The following TENM4 variants were observed in gnomAD, a reference collection of about 807,000 sequenced individuals.
TENM4 encodes teneurin-4.
Under a neutral mutation model 243.3 loss-of-function variants are expected in TENM4, and 82 were observed. The ratio of observed to expected loss-of-function variants is 0.34; its 90% CI spans 0.28 to 0.40. TENM4 has a LOEUF of 0.40. Among genes scored for constraint, TENM4 ranks in the 10% least tolerant of loss-of-function variants. The pLI, the probability that TENM4 is intolerant of heterozygous loss-of-function variation, is 1.00. For missense variants in TENM4, 3,138 were observed against 3,673.3 expected (o/e 0.85, Z 3.77); for synonymous variants, 1,412 against 1,456.3 (o/e 0.97, Z 0.69).
At chr11:79,324,143 A>C (rs573058424) in intron 1 of TENM4, among the ~76,000 whole-genome samples, 70 of 152,192 alleles carry the variant, frequency 4.6e-4, no homozygotes, top group African/African-American at 1.4e-3. Context: ...TGTAAATACT[A>C]TATAGTTTTT....
chr11:79,376,222 G>A (rs1014686942), intron 1 of TENM4, among the ~76,000 whole-genome samples: 12 of 152,196 alleles, frequency 7.9e-5, no homozygotes, highest in Non-Finnish European at 1.5e-4. Flanking sequence ...TTCTCCTTTG[G>A]TGGGTTTCAC....
intron 6 of TENM4, among the ~76,000 whole-genome samples, chr11:79,030,601 TC>T (rs1352396843): frequency 1.3e-5 from 2 of 151,930 alleles, no homozygotes. Context: ...TTTAGAAATT[TC>T]CTCGAGCTGC....
Position 78,669,113 on chromosome 11 carries a change from G to A in TENM4, c.7232C>T (p.Thr2411Ile). ...TCGCCGGCCCATGTGGACAAGCTTG[G>A]TGAGTGGATCATAGAGGCCACCATG... The part of the protein sequence containing the change: ...GYHGGLYDPL[T>I]KLVHMGRRDY... The change falls in exon 32 of 34, where the codon ACC (threonine) becomes ATC (isoleucine). Residue 2411 changes from threonine to isoleucine, a missense_variant. Thr to Ile is a moderately conservative substitution (Grantham distance 89, BLOSUM62 -1). Around this residue, in one of 2 missense-constraint regions of TENM4, gnomAD observed 2,467 missense variants for 3,059.1 expected, o/e 0.81. Coordinates refer to ENST00000278550, the MANE Select transcript of TENM4 (RefSeq NM_001098816.3). This position sits in a 1 kb window ranked among gnomAD's most constrained non-coding sequence, Gnocchi z 6.4. The A allele has an allele frequency of 6.2e-7, 1 of 1,613,798 alleles. No individual in the cohort carries two copies. Among genetic ancestry groups the A allele is most frequent in the South Asian group, 1.1e-5 (1 of 91,044 alleles).
intron 1 of TENM4, among the ~76,000 whole-genome samples, chr11:79,312,289 A>C (rs1342737965): frequency 6.6e-6 from 1 of 152,214 alleles, no homozygotes; most frequent in East Asian, 1.9e-4. Context: ...TGGCCCTGGC[A>C]TCCAGGAAAG....
intron 32 of TENM4, among the ~76,000 whole-genome samples, chr11:78,663,463 C>T (rs955048665): frequency 1.3e-5 from 2 of 152,102 alleles, no homozygotes; most frequent in East Asian, 1.9e-4. Flanking sequence ...GGTGACCTCC[C>T]GAGGTAATGA....
At position 78,805,277 on chromosome 11, in the gene TENM4, T is replaced by TGCCCCCCCCCCCCA; in HGVS notation, c.2179+14_2179+15insTGGGGGGGGGGGGC. The TGCCCCCCCCCCCCA allele has an allele frequency of 2.1e-6, 3 of 1,402,546 alleles. No homozygotes were observed. Among genetic ancestry groups the TGCCCCCCCCCCCCA allele is most frequent in the Non-Finnish European group, 2.9e-6 (3 of 1,033,112 alleles). 86.9% of individuals were successfully genotyped at this position (1,402,546 alleles called of 1,614,324 possible). ...CCCCTCCCTCTACCCATGCTTCTTC[T>TGCCCCCCCCCCCCA]CCCCCTGCATTTACCGATAGAACAG... On this transcript the variant is annotated intron_variant, in intron 15 of 33. Coordinates refer to ENST00000278550, the MANE Select transcript of TENM4 (RefSeq NM_001098816.3).
At chr11:79,376,320 G>C (rs977598990) in intron 1 of TENM4, among the ~76,000 whole-genome samples, 2 of 152,226 alleles carry the variant, frequency 1.3e-5, no homozygotes, top group African/African-American at 4.8e-5. Flanking sequence ...CCTCACCCAA[G>C]ATTTGTCTCA....
intron 1 of TENM4, among the ~76,000 whole-genome samples, chr11:79,409,217 T>C (rs1226662696): frequency 6.6e-6 from 1 of 151,684 alleles, no homozygotes; most frequent in Admixed American, 6.6e-5. Context: ...AAAAAAAGAT[T>C]ATACTAAGGA....
chr11:79,283,733 T>G (rs1856200242), intron 2 of TENM4, among the ~76,000 whole-genome samples: 1 of 152,072 alleles, frequency 6.6e-6, no homozygotes, highest in African/African-American at 2.4e-5. Context: ...CAAAAAGAAA[T>G]AAAGACATTC....
At chr11:78,876,675 C>T (rs1591091186) in intron 9 of TENM4, among the ~76,000 whole-genome samples, 1 of 148,810 alleles carries the variant, frequency 6.7e-6, no homozygotes, top group Non-Finnish European at 1.5e-5. Flanking sequence ...GCTCCTTACA[C>T]ATCTGGCTGT....
chr11:78,815,115 G>A (rs1332430473), intron 12 of TENM4, among the ~76,000 whole-genome samples: 1 of 152,224 alleles, frequency 6.6e-6, no homozygotes, highest in Non-Finnish European at 1.5e-5. Context: ...GGCTGGGCGT[G>A]GTGGCTCAGG....
At chr11:79,292,018 C>T (rs1353957765) in intron 2 of TENM4, among the ~76,000 whole-genome samples, 1 of 152,218 alleles carries the variant, frequency 6.6e-6, no homozygotes, top group Non-Finnish European at 1.5e-5. Flanking sequence ...AAGCCCCTCT[C>T]TTTCCCAGCT....
intron 1 of TENM4, among the ~76,000 whole-genome samples, chr11:79,420,577 C>T (rs1053239871): frequency 1.3e-5 from 2 of 152,218 alleles, no homozygotes; most frequent in Admixed American, 1.3e-4. Context: ...CTTGGAGATT[C>T]GCATAAGCAT....
At chr11:79,192,739 G>A (rs1199754433) in intron 3 of TENM4, among the ~76,000 whole-genome samples, 1 of 147,352 alleles carries the variant, frequency 6.8e-6, no homozygotes, top group Admixed American at 6.7e-5. Flanking sequence ...ACCCAAGAAT[G>A]ATCAATAAAA....
At chr11:79,317,166 T>C (rs1054758810) in intron 1 of TENM4, among the ~76,000 whole-genome samples, 2 of 152,216 alleles carry the variant, frequency 1.3e-5, no homozygotes, top group Non-Finnish European at 2.9e-5. Context: ...AAATTCTCCA[T>C]AGAGGGAATG....
rs898714626 is a variant in TENM4, at chr11:79,216,999, C to G, written c.-264-1090G>C. ...ATTGCAACCTCTGGCTAATGACTTC[C>G]CCCCTCTAAGCCTCAGTTCCCTCAT... On this transcript the variant is annotated intron_variant, in intron 2 of 33. Coordinates refer to ENST00000278550, the MANE Select transcript of TENM4 (RefSeq NM_001098816.3). Among the ~76,000 whole-genome samples the G allele has an allele frequency of 2.6e-5, 4 of 152,136 alleles. No individual in the cohort carries two copies. In the East Asian group the frequency reaches 7.7e-4, roughly 29 times the overall value.
At chr11:79,166,384 T>C (rs1010874456) in intron 3 of TENM4, among the ~76,000 whole-genome samples, 1 of 152,196 alleles carries the variant, frequency 6.6e-6, no homozygotes, top group Admixed American at 6.5e-5. Context: ...CATTTCCCAA[T>C]GCCCATTTGG....
intron 9 of TENM4, among the ~76,000 whole-genome samples, chr11:78,874,140 G>A (rs1383453334): frequency 6.6e-6 from 1 of 151,990 alleles, no homozygotes; most frequent in African/African-American, 2.4e-5. Flanking sequence ...TTAGTACCCA[G>A]TGGAACAGAT....
intron 1 of TENM4, among the ~76,000 whole-genome samples, chr11:79,368,049 G>A (rs1565317447): frequency 1.3e-5 from 2 of 152,158 alleles, no homozygotes; most frequent in African/African-American, 4.8e-5. Context: ...GTCCTACCAT[G>A]TGAGTTCGCT....
Sources: gnomAD v4.1 joint callset for allele counts (sites outside exome capture counted in the v4.1 genomes callset) on GRCh38, gnomAD v4.1.1 for gene constraint, gnomAD v4.1.1 regional missense constraint, Gnocchi (gnomAD v3.1) non-coding constraint, MANE v1.5 for transcripts, NCBI Gene and HGNC (gene_info 2026-07-23, HGNC 2026-07-21) for gene names.